The following DPP10 variants were observed in gnomAD, a reference collection of about 807,000 sequenced individuals.
The protein encoded by DPP10 is inactive dipeptidyl peptidase 10.
DPP10 carries 33 observed loss-of-function variants against 120.9 expected under a neutral mutation model. The observed-to-expected ratio is 0.27, with a 90% CI of 0.21 to 0.37. DPP10 has a LOEUF of 0.37. Ranked by LOEUF, DPP10 falls within the 10% of genes least tolerant of loss-of-function variation. DPP10 has a pLI of 1.00. For synonymous variants in DPP10, 337 were observed against 326.1 expected (o/e 1.03, Z -0.36); for missense variants, 816 against 942.8 (o/e 0.87, Z 1.76).
In DPP10 at chr2:115,774,209, T is replaced by TACACACACAC. The variant is rs3069387; in HGVS notation, c.1222-2976_1222-2967dup. On this transcript the variant is annotated intron_variant, in intron 13 of 25. Coordinates refer to ENST00000410059, the MANE Select transcript of DPP10 (RefSeq NM_020868.6). ...ATCTCATTTGTCTTTAAAACACACA[T>TACACACACAC]ACACACACACACACACACACACACA... Among the ~76,000 whole-genome samples the TACACACACAC allele has an allele frequency of 1.7e-3, 251 of 147,632 alleles. 2 individuals are homozygous for TACACACACAC. The highest frequency in any genetic ancestry group is 5.8e-3 in the African/African-American group (231 of 40,014).
At chr2:115,014,628 A>C (rs1464443650) in intron 1 of DPP10, among the ~76,000 whole-genome samples, 1 of 152,118 alleles carries the variant, frequency 6.6e-6, no homozygotes, top group Non-Finnish European at 1.5e-5. Flanking sequence ...AGAAGAATGA[A>C]ATAGACACAA....
chr2:115,179,096 A>C (rs2053900123), intron 1 of DPP10, among the ~76,000 whole-genome samples: 1 of 152,230 alleles, frequency 6.6e-6, no homozygotes, highest in Non-Finnish European at 1.5e-5. Context: ...TGCAGATTTT[A>C]ATAAGTTGAA....
At chr2:115,528,553 C>T (rs1448607821) in intron 5 of DPP10, among the ~76,000 whole-genome samples, 1 of 151,834 alleles carries the variant, frequency 6.6e-6, no homozygotes, top group Non-Finnish European at 1.5e-5. Flanking sequence ...CACACAAAAA[C>T]CTGTATGCAA....
At chr2:114,464,464 G>A (rs1454380700) in intron 1 of DPP10, among the ~76,000 whole-genome samples, 2 of 152,088 alleles carry the variant, frequency 1.3e-5, no homozygotes, top group African/African-American at 4.8e-5. Context: ...TTGTTGATTT[G>A]TAAGAGGTTT....
chr2:114,807,100 T>A (rs1185972620), intron 1 of DPP10, among the ~76,000 whole-genome samples: 1 of 152,184 alleles, frequency 6.6e-6, no homozygotes, highest in Non-Finnish European at 1.5e-5. Flanking sequence ...TATGAGAAAG[T>A]GCATAAAACA....
chr2:115,618,518 A>G (rs1036928031), intron 5 of DPP10, among the ~76,000 whole-genome samples: 15 of 152,192 alleles, frequency 9.9e-5, no homozygotes, highest in African/African-American at 3.6e-4. Flanking sequence ...GGTTTCATTT[A>G]ACTGTAAGAT....
chr2:114,995,032 T>A (rs2104954247), intron 1 of DPP10, among the ~76,000 whole-genome samples: 1 of 152,308 alleles, frequency 6.6e-6, no homozygotes, highest in South Asian at 2.1e-4. Context: ...TGTGACTCAC[T>A]TTAGCCAGTG....
chr2:115,290,004 A>C (rs936466769), intron 1 of DPP10, among the ~76,000 whole-genome samples: 2 of 152,168 alleles, frequency 1.3e-5, no homozygotes, highest in Non-Finnish European at 2.9e-5. Context: ...AATGGGACCT[A>C]ATTAACTAAA....
intron 1 of DPP10, among the ~76,000 whole-genome samples, chr2:115,125,773 C>T (rs568183096): frequency 4.6e-5 from 7 of 151,942 alleles, no homozygotes; most frequent in East Asian, 2.0e-4. Context: ...TAATAGAGAC[C>T]GGGTTTCACC....
chr2:115,760,042 A>C (rs10186661), intron 11 of DPP10, among the ~76,000 whole-genome samples: 7,683 of 152,112 alleles, frequency 0.051, 645 homozygotes, highest in African/African-American at 0.17. Context: ...ACAAAAAAAA[A>C]CCCATACATT....
chr2:115,823,876 C>T (rs889536895), intron 21 of DPP10, among the ~76,000 whole-genome samples: 2 of 152,136 alleles, frequency 1.3e-5, no homozygotes, highest in African/African-American at 4.8e-5. Context: ...CGATGTGATT[C>T]ATTTGAGATA....
intron 7 of DPP10, among the ~76,000 whole-genome samples, chr2:115,701,525 A>G (rs2091888342): frequency 1.3e-5 from 2 of 152,138 alleles, no homozygotes. Flanking sequence ...ATTGGAAGGA[A>G]TAAATGAATT....
chr2:115,409,413 G>T lies in DPP10; in HGVS notation c.271+65501G>T, dbSNP rs560033791. ...CAAATGGCCAACAAAAGTGAAAATTGCCCAACATCACTAATGATTAGGGAA... is the reference window on the plus strand; with the variant it reads ...CAAATGGCCAACAAAAGTGAAAATTTCCCAACATCACTAATGATTAGGGAA... On this transcript the variant is annotated intron_variant, in intron 3 of 25. Transcript: ENST00000410059. Among the ~76,000 whole-genome samples the T allele has an allele frequency of 2.6e-5, 4 of 152,256 alleles. No homozygotes were observed. In the East Asian group the frequency reaches 7.7e-4, roughly 29 times the overall value.
At chr2:114,968,841 G>C (rs901551052) in intron 1 of DPP10, among the ~76,000 whole-genome samples, 3 of 152,164 alleles carry the variant, frequency 2.0e-5, no homozygotes, top group African/African-American at 7.2e-5. Flanking sequence ...TACCCTTGCA[G>C]TACCTGACAA....
chr2:114,674,219 T>C (rs1023313965), intron 1 of DPP10, among the ~76,000 whole-genome samples: 21 of 152,014 alleles, frequency 1.4e-4, no homozygotes, highest in Non-Finnish European at 5.9e-5. Context: ...TGTAATGTAA[T>C]TAAAATTATC....
chr2:115,279,069 A>G lies in DPP10; in HGVS notation c.61-30170A>G, dbSNP rs1213738401. On this transcript the variant is annotated intron_variant, in intron 1 of 25. Transcript: ENST00000410059. ...AGATTTGACACCAAAAGCGCAAGCA[A>G]TGAAAGAGAAAAATTCAAGTTAGAC... is the stretch of plus-strand genomic sequence containing the variant. 2.6e-5 allele frequency among the ~76,000 whole-genome samples: 4 copies of G among 152,316 alleles called. 1 individual carries two copies. The highest frequency in any genetic ancestry group is 9.6e-5 in the African/African-American group (4 of 41,570).
At chr2:114,469,125 C>T (rs549760687) in intron 1 of DPP10, among the ~76,000 whole-genome samples, 26 of 107,402 alleles carry the variant, frequency 2.4e-4, no homozygotes, top group African/African-American at 6.6e-4. Context: ...ATTCTGATTT[C>T]ACTTGAGAGA....
At chr2:115,241,697 A>G (rs1286041749) in intron 1 of DPP10, among the ~76,000 whole-genome samples, 2 of 152,324 alleles carry the variant, frequency 1.3e-5, no homozygotes, top group East Asian at 3.9e-4. Context: ...GCTTTTCATT[A>G]GATGGATTTT....
intron 1 of DPP10, among the ~76,000 whole-genome samples, chr2:114,448,727 C>G (rs1435036898): frequency 6.6e-6 from 1 of 152,278 alleles, no homozygotes; most frequent in African/African-American, 2.4e-5. Flanking sequence ...GAGGTCTAAA[C>G]AGCTTCAGAA....
Sources: gnomAD v4.1 joint callset for allele counts (sites outside exome capture counted in the v4.1 genomes callset) on GRCh38, gnomAD v4.1.1 for gene constraint, MANE v1.5 for transcripts, NCBI Gene and HGNC (gene_info 2026-07-23, HGNC 2026-07-21) for gene names.